GPC5: variants seen among roughly 807,000 people sequenced by gnomAD.
The protein encoded by GPC5 is glypican-5.
Under a neutral mutation model 53.9 loss-of-function variants are expected in GPC5, and 47 were observed. The observed-to-expected ratio is 0.87, with a 90% confidence interval of 0.69 to 1.11. The LOEUF (loss-of-function observed/expected upper bound fraction) is 1.11. GPC5 is among the 50% of genes most tolerant of loss of function. The pLI, the probability that GPC5 is intolerant of heterozygous loss-of-function variation, is 0.00. For missense variants in GPC5, 748 were observed against 713.1 expected, an observed-to-expected ratio of 1.05 and a Z score of -0.56; for synonymous variants, 286 against 263.3, an observed-to-expected ratio of 1.09 and a Z score of -0.84.
At chr13:92,244,188 C>T (rs1356772545) in intron 7 of GPC5, among the ~76,000 whole-genome samples, 1 of 152,152 alleles carries the variant, frequency 6.6e-6, no homozygotes, top group Non-Finnish European at 1.5e-5. Context: ...AAACTTGTCA[C>T]AGATTACTTA....
chr13:92,084,271 G>T (rs1247647427), intron 6 of GPC5, among the ~76,000 whole-genome samples: 3 of 152,186 alleles, frequency 2.0e-5, no homozygotes, highest in Non-Finnish European at 2.9e-5. Flanking sequence ...ATGTATCCCA[G>T]AACTTAATTT....
intron 6 of GPC5, among the ~76,000 whole-genome samples, chr13:91,939,067 CCT>C (rs1238605958): frequency 1.3e-5 from 2 of 151,542 alleles, no homozygotes; most frequent in South Asian, 2.1e-4. Flanking sequence ...TAGAAAAATC[CCT>C]GTTTTTTGTT....
At chr13:92,546,230 G>A (rs547827448) in intron 7 of GPC5, among the ~76,000 whole-genome samples, 15 of 152,184 alleles carry the variant, frequency 9.9e-5, no homozygotes, top group South Asian at 2.1e-4. Flanking sequence ...CAAATTGTCC[G>A]CATTTGCAGA....
intron 2 of GPC5, among the ~76,000 whole-genome samples, chr13:91,623,227 G>A (rs1295589596): frequency 2.0e-5 from 3 of 152,132 alleles, no homozygotes; most frequent in African/African-American, 7.2e-5. Context: ...ATAATCTAGA[G>A]CTAAATGTAC....
intron 7 of GPC5, among the ~76,000 whole-genome samples, chr13:92,507,792 C>T (rs1252108821): frequency 6.6e-6 from 1 of 151,894 alleles, no homozygotes; most frequent in Non-Finnish European, 1.5e-5. Flanking sequence ...ATATCCTGCA[C>T]AAGTGAAAAA....
rs1486981394 is a variant in GPC5 at position 92,568,456 on chromosome 13, T to C, written c.1562-297826T>C. ...ACTTTTTATTTATCCACTGTCAGTA[T>C]ATGACAAAGACATTTCCAGCTTGGT... On this transcript the variant is annotated intron_variant, in intron 7 of 7. Coordinates refer to ENST00000377067, the MANE Select transcript of GPC5 (RefSeq NM_004466.6). 2.0e-5 allele frequency among the ~76,000 whole-genome samples: 3 copies of C among 152,210 alleles called. No individual in the cohort carries two copies. In the East Asian group the frequency reaches 5.8e-4, roughly 29 times the overall value.
intron 6 of GPC5, among the ~76,000 whole-genome samples, chr13:92,031,032 T>C (rs1458053732): frequency 2.0e-5 from 3 of 152,200 alleles, no homozygotes; most frequent in African/African-American, 7.2e-5. Context: ...CAGGTTTTGG[T>C]CCCTCTTTGT....
intron 5 of GPC5, among the ~76,000 whole-genome samples, chr13:91,783,616 T>C (rs1390435194): frequency 1.3e-5 from 2 of 151,942 alleles, no homozygotes; most frequent in Non-Finnish European, 2.9e-5. Flanking sequence ...GTACATATTT[T>C]TTTTTAGTAG....
At chr13:92,469,457 G>A (rs549408010) in intron 7 of GPC5, among the ~76,000 whole-genome samples, 7 of 152,118 alleles carry the variant, frequency 4.6e-5, no homozygotes, top group Non-Finnish European at 1.0e-4. Flanking sequence ...TGAACAAACA[G>A]AGCAGAAAAG....
At chr13:92,859,494 T>C (rs1407198038) in intron 7 of GPC5, among the ~76,000 whole-genome samples, 1 of 152,034 alleles carries the variant, frequency 6.6e-6, no homozygotes, top group Non-Finnish European at 1.5e-5. Flanking sequence ...ATCACTAACC[T>C]AAATAAGATA....
At chr13:92,738,931 A>G (rs1264908517) in intron 7 of GPC5, among the ~76,000 whole-genome samples, 1 of 152,114 alleles carries the variant, frequency 6.6e-6, no homozygotes, top group East Asian at 1.9e-4. Flanking sequence ...TGACCACAGT[A>G]CTATCTTATT....
At chr13:92,411,572 A>G (rs1366568742) in intron 7 of GPC5, among the ~76,000 whole-genome samples, 1 of 152,208 alleles carries the variant, frequency 6.6e-6, no homozygotes, top group Non-Finnish European at 1.5e-5. Flanking sequence ...ATTCAACAGG[A>G]CACTTGACTT....
At chr13:91,842,704 C>CAAAAAAA (rs58660493) in intron 5 of GPC5, among the ~76,000 whole-genome samples, 2 of 58,838 alleles carry the variant, frequency 3.4e-5, no homozygotes, top group Non-Finnish European at 5.8e-5. Context: ...GACTCCGTCT[C>CAAAAAAA]AAAAAAAAAA....
At chr13:92,157,356 A>G (rs1484382529) in intron 7 of GPC5, among the ~76,000 whole-genome samples, 2 of 152,184 alleles carry the variant, frequency 1.3e-5, no homozygotes, top group Non-Finnish European at 2.9e-5. Context: ...GTGAAAAAGT[A>G]TTTGGCCGGT....
At chr13:91,432,997 G>T (rs1029668663) in intron 1 of GPC5, among the ~76,000 whole-genome samples, 4 of 152,126 alleles carry the variant, frequency 2.6e-5, no homozygotes, top group Non-Finnish European at 4.4e-5. Context: ...AAGGCCTTTT[G>T]TTCCAGGTAC....
chr13:92,322,512 A>C (rs1383896036), intron 7 of GPC5, among the ~76,000 whole-genome samples: 1 of 152,202 alleles, frequency 6.6e-6, no homozygotes, highest in Non-Finnish European at 1.5e-5. Context: ...GAAAGAACAC[A>C]TGCAGGCTCA....
chr13:92,574,032 A>C (rs1333183636), intron 7 of GPC5, among the ~76,000 whole-genome samples: 1 of 151,968 alleles, frequency 6.6e-6, no homozygotes. Flanking sequence ...TATTCTTCCA[A>C]GTTTGTCTTT....
intron 6 of GPC5, among the ~76,000 whole-genome samples, chr13:91,941,085 G>C (rs908892497): frequency 6.6e-6 from 1 of 152,000 alleles, no homozygotes; most frequent in African/African-American, 2.4e-5. Flanking sequence ...ATGTTAAGAA[G>C]GGTATCACGT....
chr13:91,630,277 AT>A (rs1243053708), intron 2 of GPC5, among the ~76,000 whole-genome samples: 2 of 151,878 alleles, frequency 1.3e-5, no homozygotes, highest in African/African-American at 4.8e-5. Context: ...TCTGAAGGAT[AT>A]TTTTTTTCAG....
Sources: gnomAD v4.1 joint callset for allele counts (sites outside exome capture counted in the v4.1 genomes callset) on GRCh38, gnomAD v4.1.1 for gene constraint, MANE v1.5 for transcripts, NCBI Gene and HGNC (gene_info 2026-07-23, HGNC 2026-07-21) for gene names.